The following MAF variants were observed in gnomAD, a reference collection of about 807,000 sequenced individuals.
The protein encoded by MAF is transcription factor Maf.
In MAF, 10 loss-of-function variants were observed where a neutral mutation model predicts 22.0. The observed-to-expected ratio is 0.45, with a 90% confidence interval of 0.28 to 0.77. MAF has a LOEUF of 0.77. Among genes scored for constraint, MAF ranks in the 30% least tolerant of loss-of-function variants. The probability of loss-of-function intolerance (pLI) is 0.12; values close to 1 mark genes in which losing one functional copy is unlikely to be tolerated. For missense variants in MAF, 544 were observed against 548.4 expected (o/e 0.99, Z 0.08); for synonymous variants, 337 against 255.8 (o/e 1.32, Z -3.03).
the MAF span, among the ~76,000 whole-genome samples, chr16:79,560,070 G>C: frequency 6.6e-6 from 1 of 152,028 alleles, no homozygotes; most frequent in Non-Finnish European, 1.5e-5. Flanking sequence ...ATGTGTGGCT[G>C]ATTATTTTTA....
At chr16:79,368,811 A>G in the MAF span, among the ~76,000 whole-genome samples, 1 of 152,168 alleles carries the variant, frequency 6.6e-6, no homozygotes, top group East Asian at 1.9e-4. Context: ...CTTTGCTCAA[A>G]GGTCAGCTTC....
At chr16:79,594,751 C>G (rs1357645599) in intron 1 of MAF, 198 bp from the exon 2 acceptor site, 1 of 1,375,610 alleles carries the variant, frequency 7.3e-7, no homozygotes, top group Non-Finnish European at 9.4e-7. Context: ...TCCCACTATA[C>G]TTCAAAGTTT....
chr16:79,502,700 TAAATATAA>T, the MAF span, among the ~76,000 whole-genome samples: 1,176 of 24,436 alleles, frequency 0.048, 75 homozygotes, highest in African/African-American at 0.12. Flanking sequence ...AATATAAATA[TAAATATAA>T]ATATATATAT....
chr16:79,260,696 C>A, the MAF span, among the ~76,000 whole-genome samples: 5 of 152,226 alleles, frequency 3.3e-5, no homozygotes, highest in East Asian at 9.7e-4. Flanking sequence ...AGCATCGGTG[C>A]CTGATAGTCT....
At chr16:79,512,183 C>A in the MAF span, among the ~76,000 whole-genome samples, 1 of 152,154 alleles carries the variant, frequency 6.6e-6, no homozygotes, top group East Asian at 1.9e-4. Flanking sequence ...CATCCTCTAC[C>A]CTTGGATCTA....
At chr16:79,308,849 C>T in the MAF span, among the ~76,000 whole-genome samples, 14 of 152,238 alleles carry the variant, frequency 9.2e-5, no homozygotes, top group South Asian at 1.2e-3. Context: ...CCATGGTCCA[C>T]GCTCCTTTCC....
the MAF span, among the ~76,000 whole-genome samples, chr16:79,471,848 C>A: frequency 6.6e-6 from 1 of 152,218 alleles, no homozygotes; most frequent in East Asian, 1.9e-4. Context: ...ATAATGGGTA[C>A]AATAACAATT....
At chr16:79,378,347 GA>G in the MAF span, among the ~76,000 whole-genome samples, 1 of 151,882 alleles carries the variant, frequency 6.6e-6, no homozygotes, top group Non-Finnish European at 1.5e-5. Context: ...AATATTAAGA[GA>G]AAAAAGGAAG....
the MAF span, among the ~76,000 whole-genome samples, chr16:79,260,100 C>G: frequency 6.6e-6 from 1 of 152,182 alleles, no homozygotes; most frequent in Non-Finnish European, 1.5e-5. Context: ...CTCTTTAACA[C>G]TTGCCATCAA....
chr16:79,595,447 A>C, intron 1 of MAF: 6 of 1,057,816 alleles, frequency 5.7e-6, no homozygotes, highest in Non-Finnish European at 6.9e-6. Flanking sequence ...AAAACAAAAC[A>C]AAAGTCATCG....
the MAF span, among the ~76,000 whole-genome samples, chr16:79,428,133 G>T: frequency 6.8e-6 from 1 of 146,036 alleles, no homozygotes; most frequent in Non-Finnish European, 1.5e-5. Context: ...CTGCTGTGAA[G>T]CAACTTCCAA....
the MAF span, among the ~76,000 whole-genome samples, chr16:79,219,586 C>T: frequency 1.4e-5 from 2 of 140,340 alleles, no homozygotes; most frequent in Non-Finnish European, 3.1e-5. Flanking sequence ...AGACTCACAG[C>T]TTTTGAAGTG....
the MAF span, among the ~76,000 whole-genome samples, chr16:79,468,628 G>A: frequency 2.6e-5 from 4 of 152,324 alleles, no homozygotes; most frequent in East Asian, 7.8e-4. Context: ...ACCCTGGGCA[G>A]GCCAGGGGTG....
chr16:79,595,907 T>C, intron 1 of MAF: 2 of 1,058,832 alleles, frequency 1.9e-6, no homozygotes, highest in Non-Finnish European at 2.3e-6. Flanking sequence ...TTAAGACAAA[T>C]GATCTTCAGT....
the MAF span, among the ~76,000 whole-genome samples, chr16:79,387,372 T>G: frequency 6.6e-6 from 1 of 152,194 alleles, no homozygotes; most frequent in African/African-American, 2.4e-5. Flanking sequence ...ATTTATATCC[T>G]TACTAGCTAG....
rs1434271756 is a variant in MAF, at chr16:79,593,961, G to A, written c.*499C>T. On this transcript the variant is annotated 3_prime_UTR_variant, in exon 2 of 2. Transcript: ENST00000326043. ...TCTAGGGCCTACGAGAAAACCAGGG[G>A]GCTCGGCTCCGCTGGAGCCTCTGCC... 1.4e-5 allele frequency: 3 copies of A among 211,168 alleles called. No individual in the cohort carries two copies. Among genetic ancestry groups the A allele is most frequent in the Non-Finnish European group, 2.9e-5 (3 of 103,498 alleles). The allele number at this position is 211,168 out of a possible 1,614,324, so 13.1% of individuals were successfully genotyped here. A position where few individuals can be genotyped will look rare whatever the true frequency, so the allele number is the denominator to read the frequency against.
At chr16:79,477,372 G>A in the MAF span, among the ~76,000 whole-genome samples, 1 of 152,180 alleles carries the variant, frequency 6.6e-6, no homozygotes, top group Non-Finnish European at 1.5e-5. Context: ...AGTGGGTAGG[G>A]CCAGACGGAT....
chr16:79,390,089 G>C, the MAF span, among the ~76,000 whole-genome samples: 3 of 151,456 alleles, frequency 2.0e-5, no homozygotes, highest in East Asian at 5.8e-4. Flanking sequence ...GTGTGTGTGT[G>C]TGCCTGAACA....
chr16:79,238,675 A>G, the MAF span, among the ~76,000 whole-genome samples: 1 of 151,992 alleles, frequency 6.6e-6, no homozygotes, highest in Non-Finnish European at 1.5e-5. Flanking sequence ...GATAAAACAA[A>G]TTTTTAAAGT....
Sources: allele counts gnomAD v4.1 joint callset (sites outside exome capture counted in the v4.1 genomes callset), GRCh38; gene constraint gnomAD v4.1.1; transcripts MANE v1.5; gene names NCBI Gene and HGNC (gene_info 2026-07-23, HGNC 2026-07-21).